SPIRE1: variants seen among roughly 807,000 people sequenced by gnomAD.
The protein encoded by SPIRE1 is spire type actin nucleation factor 1, also known as protein spire homolog 1.
A neutral mutation model predicts 94.1 loss-of-function variants in SPIRE1; 40 were observed. The ratio of observed to expected loss-of-function variants is 0.43; its 90% CI spans 0.33 to 0.55. The LOEUF (loss-of-function observed/expected upper bound fraction) is 0.55. SPIRE1 is among the 20% of genes least tolerant of loss of function. The pLI is 0.06. For synonymous variants in SPIRE1, 376 were observed against 371.7 expected (o/e 1.01, Z -0.13); for missense variants, 838 against 975.2 (o/e 0.86, Z 1.87).
chr18:12,592,683 T>A (rs1342673019), intron 2 of SPIRE1, among the ~76,000 whole-genome samples: 1 of 152,212 alleles, frequency 6.6e-6, no homozygotes, highest in African/African-American at 2.4e-5. Flanking sequence ...TGATTATCAT[T>A]CAATATCGCC....
chr18:12,644,871 A>G lies in SPIRE1; in HGVS notation c.338-9775T>C, dbSNP rs183292097. ...ATACAAGGTAACAAAATGCCCCCACATATATTTCTTCATTTGAGTCTCATA... is the reference window on the plus strand; with the variant it reads ...ATACAAGGTAACAAAATGCCCCCACGTATATTTCTTCATTTGAGTCTCATA... On this transcript the variant is annotated intron_variant, in intron 1 of 16. Transcript: ENST00000409402. Among the ~76,000 whole-genome samples the G allele has an allele frequency of 2.0e-5, 3 of 152,232 alleles. No individual in the cohort carries two copies. In the South Asian group the frequency reaches 6.2e-4, roughly 31 times the overall value.
intron 10 of SPIRE1, among the ~76,000 whole-genome samples, chr18:12,470,726 A>C (rs1228016035): frequency 6.6e-6 from 1 of 152,040 alleles, no homozygotes; most frequent in Non-Finnish European, 1.5e-5. Flanking sequence ...CTTTTTGCTT[A>C]TCTGGGGAAT....
chr18:12,547,920 A>ACAAC (rs1555622908), intron 2 of SPIRE1, among the ~76,000 whole-genome samples: 1 of 151,542 alleles, frequency 6.6e-6, no homozygotes, highest in Non-Finnish European at 1.5e-5. Flanking sequence ...CTATCTCATA[A>ACAAC]AAACAAACAA....
chr18:12,502,121 C>A (rs1567894252), intron 6 of SPIRE1, among the ~76,000 whole-genome samples: 1 of 152,184 alleles, frequency 6.6e-6, no homozygotes, highest in Non-Finnish European at 1.5e-5. Context: ...GATTCCTAGA[C>A]TCTAGCTGAG....
intron 2 of SPIRE1, among the ~76,000 whole-genome samples, chr18:12,548,451 C>T (rs2035235859): frequency 6.6e-6 from 1 of 152,152 alleles, no homozygotes; most frequent in African/African-American, 2.4e-5. Context: ...ATAATATTTT[C>T]TCAACACTAG....
chr18:12,557,132 T>C (rs1474105639), intron 2 of SPIRE1, among the ~76,000 whole-genome samples: 6 of 152,220 alleles, frequency 3.9e-5, no homozygotes, highest in African/African-American at 1.2e-4. Flanking sequence ...CCACCAGTCC[T>C]GCGCCACACG....
chr18:12,601,955 C>G (rs1194826744), intron 2 of SPIRE1, among the ~76,000 whole-genome samples: 1 of 152,090 alleles, frequency 6.6e-6, no homozygotes, highest in East Asian at 1.9e-4. Context: ...CTGGGGAGCC[C>G]TGGTTACTGG....
At chr18:12,494,982 G>A (rs1177809129) in intron 7 of SPIRE1, among the ~76,000 whole-genome samples, 3 of 150,232 alleles carry the variant, frequency 2.0e-5, no homozygotes, top group Admixed American at 6.6e-5. Flanking sequence ...CCCAGGAGGC[G>A]GAGCTTGCAG....
At chr18:12,588,089 CAT>C (rs1364166364) in intron 2 of SPIRE1, among the ~76,000 whole-genome samples, 9 of 152,234 alleles carry the variant, frequency 5.9e-5, no homozygotes, top group Non-Finnish European at 1.0e-4. Flanking sequence ...AATCATATAA[CAT>C]GTGGTCTTTT....
chr18:12,500,906 CTACTAAAAA>C (rs1303176316), intron 6 of SPIRE1, among the ~76,000 whole-genome samples: 2 of 151,776 alleles, frequency 1.3e-5, no homozygotes, highest in African/African-American at 4.8e-5. Flanking sequence ...AACCCTGTCT[CTACTAAAAA>C]TACAAAATTA....
chr18:12,552,347 C>T (rs1001732453), intron 2 of SPIRE1, among the ~76,000 whole-genome samples: 1 of 152,154 alleles, frequency 6.6e-6, no homozygotes, highest in Non-Finnish European at 1.5e-5. Context: ...CCTCTCCCAA[C>T]GCCAGGCAGC....
chr18:12,595,049 G>A (rs970830013), intron 2 of SPIRE1, among the ~76,000 whole-genome samples: 3 of 152,190 alleles, frequency 2.0e-5, no homozygotes, highest in Non-Finnish European at 4.4e-5. Context: ...AGGCCAATGC[G>A]GGATAACTGC....
Position 12,559,617 on chromosome 18 carries a change from G to A in SPIRE1, c.373-12713C>T, listed in dbSNP as rs143516081. 1.8e-3 allele frequency among the ~76,000 whole-genome samples: 276 copies of A among 152,306 alleles called. 1 individual carries two copies. The highest frequency in any genetic ancestry group is 6.4e-3 in the African/African-American group (267 of 41,566). On this transcript the variant is annotated intron_variant, in intron 2 of 16. Transcript: ENST00000409402. The surrounding 1 kb of genome is among the most constrained non-coding windows in gnomAD (Gnocchi z 4.7). ...CTGAGGAGGTGCCAAGAGCGAGCGA[G>A]GGCTGCTAGCACGTTGTCACCTCTC... is the stretch of plus-strand genomic sequence containing the variant.
chr18:12,571,947 A>G (rs1021922735), intron 2 of SPIRE1, among the ~76,000 whole-genome samples: 12 of 152,252 alleles, frequency 7.9e-5, no homozygotes, highest in African/African-American at 1.7e-4. Context: ...ATGGGAGCAT[A>G]TAACAGGGAA....
rs375328026 is a variant in SPIRE1, at chr18:12,476,853, T to G, written c.1404+2846A>C. Among the ~76,000 whole-genome samples, 12 of 152,224 alleles carry G rather than the reference T, an allele frequency of 7.9e-5. No homozygotes were observed. The East Asian group carries it at 1.7e-3, about 22-fold the overall frequency. On this transcript the variant is annotated intron_variant, in intron 10 of 16. Coordinates refer to ENST00000409402, the MANE Select transcript of SPIRE1 (RefSeq NM_001128626.2). ...CCCTTGTCTAAGATCATTCACTCTG[T>G]TCCATAAATCTTTGAGATTTCTACC...
At chr18:12,648,890 C>CAAAAAAAA (rs56696562) in intron 1 of SPIRE1, among the ~76,000 whole-genome samples, 55 of 85,440 alleles carry the variant, frequency 6.4e-4, no homozygotes, top group Non-Finnish European at 7.8e-4. Context: ...AACTCCGTCT[C>CAAAAAAAA]AAAAAAAAAA....
chr18:12,655,930 G>C (rs1397783811), intron 1 of SPIRE1, among the ~76,000 whole-genome samples: 1 of 151,848 alleles, frequency 6.6e-6, no homozygotes, highest in Non-Finnish European at 1.5e-5. Context: ...ACGGCGTCTC[G>C]CTCTGTCACC....
intron 2 of SPIRE1, among the ~76,000 whole-genome samples, chr18:12,562,546 G>A (rs1364618635): frequency 2.0e-5 from 3 of 149,340 alleles, no homozygotes; most frequent in Non-Finnish European, 4.5e-5. Flanking sequence ...GGATGTGGAA[G>A]TTTGTTACAT....
intron 7 of SPIRE1, among the ~76,000 whole-genome samples, chr18:12,494,858 T>A (rs868645648): frequency 0.01 from 433 of 41,882 alleles, 1 homozygote; most frequent in Middle Eastern, 0.023. Flanking sequence ...AAAAAAAAAA[T>A]ACAAAAAAAA....
Sources: allele counts gnomAD v4.1 joint callset (sites outside exome capture counted in the v4.1 genomes callset), GRCh38; gene constraint gnomAD v4.1.1; non-coding constraint Gnocchi (gnomAD v3.1); transcripts MANE v1.5; gene names NCBI Gene and HGNC (gene_info 2026-07-23, HGNC 2026-07-21).